Variants in CMTM7 observed in about 807,000 individuals in gnomAD.
CMTM7 encodes CKLF-like MARVEL transmembrane domain-containing protein 7.
Under a neutral mutation model 19.3 loss-of-function variants are expected in CMTM7, and 7 were observed. The ratio of observed to expected loss-of-function variants is 0.36; its 90% CI spans 0.21 to 0.68. The LOEUF (loss-of-function observed/expected upper bound fraction) is 0.68, where lower values mean the gene tolerates loss of function less well. Among genes scored for constraint, CMTM7 ranks in the 30% least tolerant of loss-of-function variants. CMTM7 has a pLI of 0.60. For synonymous variants in CMTM7, 87 were observed against 99.3 expected (o/e 0.88, Z 0.74); for missense variants, 193 against 232.6 (o/e 0.83, Z 1.11).
intron 1 of CMTM7, among the ~76,000 whole-genome samples, chr3:32,392,912 T>C (rs1695861759): frequency 6.6e-6 from 1 of 152,250 alleles, no homozygotes; most frequent in Non-Finnish European, 1.5e-5. Flanking sequence ...TTTTCTTCTT[T>C]AAAAGTTTGT....
intron 1 of CMTM7, among the ~76,000 whole-genome samples, chr3:32,430,161 A>ATCACTGTAATCCAATTTT (rs1294721374): frequency 6.6e-6 from 1 of 151,954 alleles, no homozygotes; most frequent in East Asian, 1.9e-4. Flanking sequence ...TTGTGCAGCC[A>ATCACTGTAATCCAATTTT]TCACTGTAAT....
rs1418736827 is a variant in CMTM7, at chr3:32,442,487, G to C, written c.333+474G>C. Among the ~76,000 whole-genome samples, 20 of 115,138 alleles carry C rather than the reference G, an allele frequency of 1.7e-4. No homozygotes were observed. In the East Asian group the frequency reaches 5.1e-3, roughly 30 times the overall value. The allele number at this position is 115,138 out of a possible 152,430, so 75.5% of individuals were successfully genotyped here. A position where few individuals can be genotyped will look rare whatever the true frequency, so the allele number is the denominator to read the frequency against. On this transcript the variant is annotated intron_variant, in intron 2 of 4. Coordinates refer to ENST00000334983, the MANE Select transcript of CMTM7 (RefSeq NM_138410.4). ...TGCACTCCAGCCTGGGTGACAGAGC[G>C]AGACTCCTCTCAAAAAAAAAAAAAA...
chr3:32,393,739 G>A lies in CMTM7; in HGVS notation c.159+1674G>A, dbSNP rs141312365. Among the ~76,000 whole-genome samples, 351 of 146,176 alleles carry A rather than the reference G, an allele frequency of 2.4e-3. 1 individual carries two copies. The highest frequency in any genetic ancestry group is 8.6e-3 in the African/African-American group (340 of 39,630). On this transcript the variant is annotated intron_variant, in intron 1 of 4. Coordinates refer to ENST00000334983, the MANE Select transcript of CMTM7 (RefSeq NM_138410.4). Reference sequence around the variant, plus strand: ...GAGAAGGTCAGTGAACTGTGCCACTGCACTAGTCTGCGTGACGGAGGGAGG... The same window carrying A: ...GAGAAGGTCAGTGAACTGTGCCACTACACTAGTCTGCGTGACGGAGGGAGG...
chr3:32,446,764 G>A (rs1454390525), intron 2 of CMTM7, among the ~76,000 whole-genome samples: 1 of 152,074 alleles, frequency 6.6e-6, no homozygotes, highest in Non-Finnish European at 1.5e-5. Flanking sequence ...AAGAGAGGCT[G>A]GCACCTTCCT....
At chr3:32,398,303 C>A (rs1213287167) in intron 1 of CMTM7, among the ~76,000 whole-genome samples, 2 of 152,176 alleles carry the variant, frequency 1.3e-5, no homozygotes, top group Admixed American at 6.5e-5. Flanking sequence ...GTTTACATAA[C>A]CATAACATGG....
Position 32,442,121 on chromosome 3 carries a change from C to T in CMTM7, c.333+108C>T, listed in dbSNP as rs1479182797. On this transcript the variant is annotated intron_variant, in intron 2 of 4. Transcript: ENST00000334983. ...CGTCTGCCCATCTCACCTCTTTAAC[C>T]ATTCTTTGCTGCCTCTGCCCTGAAT... 1.5e-5 allele frequency: 15 copies of T among 996,340 alleles called. No individual in the cohort carries two copies. The South Asian group carries it at 1.9e-4, about 13-fold the overall frequency. 61.7% of individuals were successfully genotyped at this position (996,340 alleles called of 1,614,324 possible).
rs79063577 is a variant in CMTM7 at position 32,430,652 on chromosome 3, A to G, written c.160-11188A>G. 6.0e-4 allele frequency among the ~76,000 whole-genome samples: 78 copies of G among 129,916 alleles called. No individual in the cohort carries two copies. In the East Asian group the frequency reaches 0.016, roughly 26 times the overall value. 85.2% of individuals were successfully genotyped at this position (129,916 alleles called of 152,430 possible). ...TAGTAGCCTGCTTGTCTCCAACTGA[A>G]GCATCATTCTGGCCTGATCTACATC... On this transcript the variant is annotated intron_variant, in intron 1 of 4. Transcript: ENST00000334983.
At chr3:32,419,441 G>C (rs1046173802) in intron 1 of CMTM7, among the ~76,000 whole-genome samples, 4 of 152,090 alleles carry the variant, frequency 2.6e-5, no homozygotes, top group African/African-American at 7.2e-5. Context: ...TCTTTTCCTT[G>C]TTCCCTGTGT....
chr3:32,434,406 C>G (rs1439010759), intron 1 of CMTM7, among the ~76,000 whole-genome samples: 1 of 152,108 alleles, frequency 6.6e-6, no homozygotes, highest in African/African-American at 2.4e-5. Flanking sequence ...AGGTGATCCT[C>G]CAGCCTCGGC....
chr3:32,440,812 T>C (rs1374222627), intron 1 of CMTM7, among the ~76,000 whole-genome samples: 1 of 152,210 alleles, frequency 6.6e-6, no homozygotes, highest in African/African-American at 2.4e-5. Context: ...AATAAATAAG[T>C]AGATTCTAAG....
chr3:32,420,536 C>T (rs547122885), intron 1 of CMTM7, among the ~76,000 whole-genome samples: 10 of 152,320 alleles, frequency 6.6e-5, no homozygotes, highest in African/African-American at 9.6e-5. Context: ...GCTGACTCTA[C>T]GCCAGCCTTC....
chr3:32,407,118 G>A (rs765391811), intron 1 of CMTM7, among the ~76,000 whole-genome samples: 1 of 152,204 alleles, frequency 6.6e-6, no homozygotes, highest in Non-Finnish European at 1.5e-5. Context: ...CATTTGAATT[G>A]TAGAATTGCC....
rs527377498 is a variant in CMTM7, at chr3:32,432,471, G to A, written c.160-9369G>A. ...ATGTCAATAACCAGTGGTGAGGCTG[G>A]GGTACCCTTTGGAGCCACAGCCTCT... On this transcript the variant is annotated intron_variant, in intron 1 of 4. Coordinates refer to ENST00000334983, the MANE Select transcript of CMTM7 (RefSeq NM_138410.4). Among the ~76,000 whole-genome samples, 105 of 152,278 alleles carry A rather than the reference G, an allele frequency of 6.9e-4. 1 individual carries two copies. The highest frequency in any genetic ancestry group is 2.5e-3 in the African/African-American group (103 of 41,558).
At chr3:32,404,603 G>C (rs1696063338) in intron 1 of CMTM7, among the ~76,000 whole-genome samples, 1 of 152,216 alleles carries the variant, frequency 6.6e-6, no homozygotes, top group African/African-American at 2.4e-5. Context: ...TTTGAACCCA[G>C]GTCCAGCAAG....
chr3:32,410,806 C>A (rs1315092224), intron 1 of CMTM7, among the ~76,000 whole-genome samples: 1 of 152,200 alleles, frequency 6.6e-6, no homozygotes, highest in Non-Finnish European at 1.5e-5. Context: ...ACAATCAAAA[C>A]AACAGAAGCA....
At chr3:32,440,142 C>T (rs1696654691) in intron 1 of CMTM7, among the ~76,000 whole-genome samples, 1 of 152,078 alleles carries the variant, frequency 6.6e-6, no homozygotes. Context: ...CGTGGTGGCT[C>T]ACACCTGTAA....
chr3:32,448,781 G>GA lies in CMTM7; in HGVS notation c.334-658dup, dbSNP rs761007859. Among the ~76,000 whole-genome samples, 859 of 128,794 alleles carry GA rather than the reference G, an allele frequency of 6.7e-3. 6 individuals carry two copies. Among genetic ancestry groups the GA allele is most frequent in the African/African-American group, 0.018 (625 of 34,778 alleles). The allele number at this position is 128,794 out of a possible 152,430, so 84.5% of individuals were successfully genotyped here. ...GAGAAAAGAGAAGAGGGAATGACAG[G>GA]AAAAAAAAAAAAAAAGGCAGGAAGG... On this transcript the variant is annotated intron_variant, in intron 2 of 4. Transcript: ENST00000334983.
chr3:32,422,349 G>A (rs538945475), intron 1 of CMTM7, among the ~76,000 whole-genome samples: 6 of 152,328 alleles, frequency 3.9e-5, no homozygotes, highest in East Asian at 3.9e-4. Flanking sequence ...CTTCTGGCAC[G>A]GGCCCAGGGC....
intron 1 of CMTM7, among the ~76,000 whole-genome samples, chr3:32,395,737 C>G (rs1438344345): frequency 6.6e-6 from 1 of 152,108 alleles, no homozygotes; most frequent in Admixed American, 6.5e-5. Context: ...TGCAGTTTCT[C>G]AAAAGTTACC....
Sources: allele counts gnomAD v4.1 joint callset (sites outside exome capture counted in the v4.1 genomes callset), GRCh38; gene constraint gnomAD v4.1.1; transcripts MANE v1.5; gene names NCBI Gene and HGNC (gene_info 2026-07-23, HGNC 2026-07-21).